Variants in CDRT4 observed in about 807,000 individuals in gnomAD.
CDRT4 encodes CMT1A duplicated region transcript 4, also known as CMT1A duplicated region transcript 4 protein.
For missense variants in CDRT4, 167 were observed against 193.1 expected, an observed-to-expected ratio of 0.87 and a Z score of 0.80; for synonymous variants, 64 against 69.6, an observed-to-expected ratio of 0.92 and a Z score of 0.40.
rs2150783244 is a variant in CDRT4, at chr17:15,437,978, G to A, written c.254C>T (p.Ser85Phe). The A allele has an allele frequency of 6.2e-7, 1 of 1,614,214 alleles. No homozygotes were observed. The change falls in exon 4 of 4, where the codon TCT (serine) becomes TTT (phenylalanine). Residue 85 changes from serine to phenylalanine, a missense_variant. Transcript: ENST00000619038. Reference protein sequence around the residue: ...QPKRRKSSKSSGKAVFRDTLS... With the variant: ...QPKRRKSSKSFGKAVFRDTLS... ...CGTGTCCCTGAACACAGCTTTGCCA[G>A]AAGACTTGGAAGACTTCCTCCTTTT...
rs35161691 is a variant in CDRT4, at chr17:15,459,439, C to CTTTTTTTTT, written c.-129-6363_-129-6355dup. Among the ~76,000 whole-genome samples, 927 of 107,546 alleles carry CTTTTTTTTT rather than the reference C, an allele frequency of 8.6e-3. 1 individual carries two copies. The highest frequency in any genetic ancestry group is 0.021 in the East Asian group (67 of 3,146). 70.6% of individuals were successfully genotyped at this position (107,546 alleles called of 152,430 possible). Reference sequence around the variant, plus strand: ...CTATTGAGTTGATTTCTTTTTTTTTCTTTTTTTTTTTTTTTTTTTTTGTGA... The same window carrying CTTTTTTTTT: ...CTATTGAGTTGATTTCTTTTTTTTTCTTTTTTTTTTTTTTTTTTTTTTTTTTTTTTGTGA... On this transcript the variant is annotated intron_variant, in intron 1 of 3. Coordinates refer to ENST00000619038, the MANE Select transcript of CDRT4 (RefSeq NM_001204477.2).
At chr17:15,461,763 G>C (rs940494161) in intron 1 of CDRT4, among the ~76,000 whole-genome samples, 1 of 152,096 alleles carries the variant, frequency 6.6e-6, no homozygotes, top group African/African-American at 2.4e-5. Flanking sequence ...TAGGAATATA[G>C]GCTATATATA....
rs565696607 is a variant in CDRT4 at position 15,458,528 on chromosome 17, C to T, written c.-129-5443G>A. ...CCTACTCAGTAGCGGGGCTGCTGGG[C>T]GGCAGCAGAGGCAAGTCGGGTCATT... On this transcript the variant is annotated intron_variant, in intron 1 of 3. Transcript: ENST00000619038. 1.5e-4 allele frequency among the ~76,000 whole-genome samples: 23 copies of T among 152,176 alleles called. No individual in the cohort carries two copies. In the East Asian group the frequency reaches 3.5e-3, roughly 23 times the overall value.
At chr17:15,465,534 G>C (rs1597473461) in intron 1 of CDRT4, among the ~76,000 whole-genome samples, 1 of 144,860 alleles carries the variant, frequency 6.9e-6, no homozygotes, top group Non-Finnish European at 1.5e-5. Flanking sequence ...ACCAATACCA[G>C]ACACACCAAC....
intron 1 of CDRT4, among the ~76,000 whole-genome samples, chr17:15,461,912 T>C (rs1045656407): frequency 6.6e-6 from 1 of 152,208 alleles, no homozygotes; most frequent in Non-Finnish European, 1.5e-5. Flanking sequence ...AAGTAGTATG[T>C]AGTCTTAAAA....
At chr17:15,465,536 C>T (rs1007476678) in intron 1 of CDRT4, among the ~76,000 whole-genome samples, 5 of 151,582 alleles carry the variant, frequency 3.3e-5, no homozygotes, top group Non-Finnish European at 5.9e-5. Flanking sequence ...CAATACCAGA[C>T]ACACCAACAC....
Position 15,466,998 on chromosome 17 carries a change from C to T in CDRT4, c.-130+462G>A, listed in dbSNP as rs1301513490. 2.6e-5 allele frequency among the ~76,000 whole-genome samples: 4 copies of T among 152,278 alleles called. No homozygotes were observed. The East Asian group carries it at 7.7e-4, about 29-fold the overall frequency. On this transcript the variant is annotated intron_variant, in intron 1 of 3. Coordinates refer to ENST00000619038, the MANE Select transcript of CDRT4 (RefSeq NM_001204477.2). ...GGCTAAACATTCCTTTGGTCCTGAG[C>T]TCTGTGGAGAGGTAATGCATCTGTG...
At chr17:15,439,953 G>T (rs1232960335) in intron 3 of CDRT4, among the ~76,000 whole-genome samples, 6 of 152,052 alleles carry the variant, frequency 3.9e-5, no homozygotes, top group Admixed American at 2.0e-4. Flanking sequence ...GTGGGGAGAG[G>T]GGGGAGGGAT....
rs927652081 is a variant in CDRT4, at chr17:15,436,601, G to C, written c.*1172C>G. 3.9e-5 allele frequency: 6 copies of C among 152,180 alleles called. No individual in the cohort carries two copies. The highest frequency in any genetic ancestry group is 7.3e-5 in the Non-Finnish European group (5 of 68,060). The allele number at this position is 152,180 out of a possible 1,614,324, so 9.4% of individuals were successfully genotyped here. On this transcript the variant is annotated 3_prime_UTR_variant, in exon 4 of 4. Coordinates refer to ENST00000619038, the MANE Select transcript of CDRT4 (RefSeq NM_001204477.2). ...CCTAGCTGTCCTCTGACAAATAACAGCTGGAGTCCTGCCAGGAGCTCCTCC... is the reference window on the plus strand; with the variant it reads ...CCTAGCTGTCCTCTGACAAATAACACCTGGAGTCCTGCCAGGAGCTCCTCC...
At chr17:15,440,608 GA>G (rs894678352) in intron 2 of CDRT4, among the ~76,000 whole-genome samples, 8 of 147,524 alleles carry the variant, frequency 5.4e-5, no homozygotes, top group African/African-American at 1.7e-4. Context: ...GAGGGGAAGT[GA>G]AAAAAAAAAG....
Position 15,438,115 on chromosome 17 carries a change from T to A in CDRT4, c.117A>T (p.Thr39=). 1 of 1,614,180 alleles carries A rather than the reference T, an allele frequency of 6.2e-7. No individual in the cohort carries two copies. Among genetic ancestry groups the A allele is most frequent in the Non-Finnish European group, 8.5e-7 (1 of 1,180,014 alleles). Residue 39 remains threonine (T), a synonymous_variant, in exon 4 of 4, where the codon ACA becomes ACT. Transcript: ENST00000619038. ...TGCTTTTCTCAATGAGTCTTTTCAC[T>A]GTCTGAGAGGTATAGGTGACATAGG... is the stretch of plus-strand genomic sequence containing the variant. ...WPAYVTYTSQ[T]VKRLIEKSKT... is the part of the protein sequence containing the mutation.
chr17:15,462,202 G>A (rs142509254), intron 1 of CDRT4, among the ~76,000 whole-genome samples: 3,119 of 152,192 alleles, frequency 0.02, 107 homozygotes, highest in African/African-American at 0.072. Context: ...GCCGAGGCAG[G>A]CAGATCACGA....
chr17:15,444,082 C>T (rs1426651494), intron 2 of CDRT4: 7 of 1,125,724 alleles, frequency 6.2e-6, no homozygotes, highest in African/African-American at 1.5e-5. Context: ...GTTTCAAATT[C>T]AGCGACTTTG....
chr17:15,440,344 C>T (rs566809911), intron 2 of CDRT4, 59 bp from the exon 3 acceptor site: 10 of 1,581,194 alleles, frequency 6.3e-6, no homozygotes, highest in Non-Finnish European at 8.6e-6. Flanking sequence ...AATTAGTAGC[C>T]ACCCTGGGTG....
At chr17:15,440,546 T>G (rs1978712318) in intron 2 of CDRT4, among the ~76,000 whole-genome samples, 1 of 152,044 alleles carries the variant, frequency 6.6e-6, no homozygotes, top group African/African-American at 2.4e-5. Context: ...GTCTCCTAAC[T>G]TTAAAGGAGA....
In CDRT4 at chr17:15,450,528, A is replaced by C. The variant is rs1979212064; in HGVS notation, c.-48+2476T>G. 6.7e-6 allele frequency among the ~76,000 whole-genome samples: 1 copy of C among 149,488 alleles called. No individual in the cohort carries two copies. The highest frequency in any genetic ancestry group is 2.5e-5 in the African/African-American group (1 of 40,466). On this transcript the variant is annotated intron_variant, in intron 2 of 3. Transcript: ENST00000619038. The surrounding 1 kb of genome is among the most constrained non-coding windows in gnomAD (Gnocchi z 4.2). The stretch of plus-strand genomic sequence containing the variant: ...GCCACAGGAGTGGAATCCCACCATC[A>C]CTCAGCAAGCTCCTTCTGTCTCCAT...
intron 1 of CDRT4, among the ~76,000 whole-genome samples, chr17:15,461,512 T>G (rs1001993195): frequency 1.3e-5 from 2 of 152,206 alleles, no homozygotes; most frequent in Non-Finnish European, 2.9e-5. Context: ...TCTGCTTCCT[T>G]AGTACCAGTA....
chr17:15,451,083 T>A (rs1377605277), intron 2 of CDRT4, among the ~76,000 whole-genome samples: 1 of 152,088 alleles, frequency 6.6e-6, no homozygotes, highest in Non-Finnish European at 1.5e-5. Context: ...GCTCCCATAA[T>A]CCCCACGTGT....
Position 15,464,914 on chromosome 17 carries a change from GA to G in CDRT4, c.-130+2545del, listed in dbSNP as rs778536119. Among the ~76,000 whole-genome samples the G allele has an allele frequency of 1.3e-5, 2 of 152,016 alleles. No homozygotes were observed. Among genetic ancestry groups the G allele is most frequent in the African/African-American group, 4.8e-5 (2 of 41,378 alleles). On this transcript the variant is annotated intron_variant, in intron 1 of 3. Transcript: ENST00000619038. This position sits in a 1 kb window ranked among gnomAD's most constrained non-coding sequence, Gnocchi z 4.5. ...GGCACAGACATCAAGCAGGGTTCAAGAAAGTGCAAGTGGGTGCAACACACAC... is the reference window on the plus strand; with the variant it reads ...GGCACAGACATCAAGCAGGGTTCAAGAAGTGCAAGTGGGTGCAACACACAC...
Sources: allele counts gnomAD v4.1 joint callset (sites outside exome capture counted in the v4.1 genomes callset), GRCh38; gene constraint gnomAD v4.1.1; non-coding constraint Gnocchi (gnomAD v3.1); transcripts MANE v1.5; gene names NCBI Gene and HGNC (gene_info 2026-07-23, HGNC 2026-07-21).